Variants in HIVEP1 observed in about 807,000 individuals in gnomAD.
The protein encoded by HIVEP1 is zinc finger protein 40.
In HIVEP1, 36 loss-of-function variants were observed where a neutral mutation model predicts 180.0. The observed-to-expected ratio is 0.20, with a 90% CI of 0.15 to 0.26. The LOEUF (loss-of-function observed/expected upper bound fraction) is 0.26, where lower values mean the gene tolerates loss of function less well. HIVEP1 is among the 10% of genes least tolerant of loss of function. The pLI, the probability that HIVEP1 is intolerant of heterozygous loss-of-function variation, is 1.00. For missense variants in HIVEP1, 3,143 were observed against 3,268.7 expected (o/e 0.96, Z 0.94); for synonymous variants, 1,239 against 1,239.0 (o/e 1.00, Z 0.00).
intron 7 of HIVEP1, among the ~76,000 whole-genome samples, chr6:12,140,893 T>C (rs1471271417): frequency 6.6e-6 from 1 of 152,190 alleles, no homozygotes; most frequent in African/African-American, 2.4e-5. Flanking sequence ...CTACATTTGA[T>C]TGGTGTACCT....
intron 7 of HIVEP1, among the ~76,000 whole-genome samples, chr6:12,146,800 G>A (rs907449836): frequency 9.2e-5 from 14 of 151,650 alleles, no homozygotes; most frequent in Non-Finnish European, 2.1e-4. Context: ...TATCACTTCG[G>A]CACCTATTCA....
chr6:12,128,238 G>T (rs1259029064), intron 4 of HIVEP1, among the ~76,000 whole-genome samples: 2 of 152,202 alleles, frequency 1.3e-5, no homozygotes, highest in African/African-American at 4.8e-5. Context: ...TTATGCGGAA[G>T]CCAATCTGTT....
intron 2 of HIVEP1, among the ~76,000 whole-genome samples, chr6:12,067,563 A>AG (rs1771682544): frequency 6.6e-6 from 1 of 152,110 alleles, no homozygotes; most frequent in Non-Finnish European, 1.5e-5. Flanking sequence ...GCTTTTGAGT[A>AG]GGCGCCAATG....
chr6:12,056,322 GT>G (rs1770868413), intron 2 of HIVEP1, among the ~76,000 whole-genome samples: 1 of 152,104 alleles, frequency 6.6e-6, no homozygotes, highest in Non-Finnish European at 1.5e-5. Flanking sequence ...GTAGTATGAT[GT>G]TCTTAAGGAA....
In HIVEP1 at chr6:12,124,728, C is replaced by T. The variant is rs749799096; in HGVS notation, c.4933C>T (p.Pro1645Ser). Residue 1645 changes from proline to serine, a missense_variant, in exon 4 of 9, where the codon CCT becomes TCT. Coordinates refer to ENST00000379388, the MANE Select transcript of HIVEP1 (RefSeq NM_002114.4). ...MLPIRLQSSV[P>S]AYCFATLTSL... ...GCCCATACGCCTGCAGAGTAGTGTTCCTGCTTACTGTTTTGCTACACTCAC... is the reference window on the plus strand; with the variant it reads ...GCCCATACGCCTGCAGAGTAGTGTTTCTGCTTACTGTTTTGCTACACTCAC... The T allele has an allele frequency of 1.2e-6, 2 of 1,614,060 alleles. No individual in the cohort carries two copies. Among genetic ancestry groups the T allele is most frequent in the African/African-American group, 2.7e-5 (2 of 74,914 alleles).
chr6:12,015,969 A>G (rs962873043), intron 2 of HIVEP1, among the ~76,000 whole-genome samples: 3 of 152,232 alleles, frequency 2.0e-5, no homozygotes, highest in Non-Finnish European at 4.4e-5. Flanking sequence ...GGGTCAAGGA[A>G]TCTGAAAGTA....
intron 7 of HIVEP1, among the ~76,000 whole-genome samples, chr6:12,156,655 G>T (rs924211497): frequency 6.6e-6 from 1 of 152,062 alleles, no homozygotes; most frequent in African/African-American, 2.4e-5. Flanking sequence ...TGGTTTTTCA[G>T]ATATCCTCCA....
At chr6:12,041,802 G>A (rs1005243537) in intron 2 of HIVEP1, among the ~76,000 whole-genome samples, 35 of 151,826 alleles carry the variant, frequency 2.3e-4, no homozygotes, top group Non-Finnish European at 4.9e-4. Flanking sequence ...TGGAATTAAA[G>A]TTCCATGCCA....
At chr6:12,160,664 T>C (rs1760340118) in intron 7 of HIVEP1, among the ~76,000 whole-genome samples, 1 of 152,120 alleles carries the variant, frequency 6.6e-6, no homozygotes, top group South Asian at 2.1e-4. Context: ...TGTTACCGAG[T>C]AGACTGTTAG....
intron 3 of HIVEP1, among the ~76,000 whole-genome samples, chr6:12,093,675 G>A (rs116607448): frequency 0.011 from 1,593 of 151,386 alleles, 11 homozygotes; most frequent in Non-Finnish European, 0.018. Context: ...TTACTGTTTC[G>A]TATTAATTTT....
At chr6:12,189,440 A>G in the HIVEP1 span, among the ~76,000 whole-genome samples, 2,947 of 152,226 alleles carry the variant, frequency 0.019, 97 homozygotes, top group African/African-American at 0.067. Flanking sequence ...AAATATTAGA[A>G]AAGGCCAATA....
Position 12,082,657 on chromosome 6 carries a change from A to G in HIVEP1, c.41-6527A>G, listed in dbSNP as rs1204587857. On this transcript the variant is annotated intron_variant, in intron 2 of 8. Transcript: ENST00000379388. ...GTATCCAAACTGCTTTGAGTTCTCA[A>G]TGAACTTGCCTCTTTGCCTTTCCAA... Among the ~76,000 whole-genome samples, 6 of 152,250 alleles carry G rather than the reference A, an allele frequency of 3.9e-5. No homozygotes were observed. The East Asian group carries it at 9.7e-4, about 25-fold the overall frequency.
chr6:12,209,835 G>C, the HIVEP1 span, among the ~76,000 whole-genome samples: 2 of 152,140 alleles, frequency 1.3e-5, no homozygotes, highest in African/African-American at 2.4e-5. Flanking sequence ...AAAAATGTTT[G>C]ATTTCTTTCC....
intron 2 of HIVEP1, among the ~76,000 whole-genome samples, chr6:12,087,810 G>A (rs532484720): frequency 6.6e-6 from 1 of 152,072 alleles, no homozygotes; most frequent in Non-Finnish European, 1.5e-5. Flanking sequence ...TTATAAATAA[G>A]AAAAATTGTC....
the HIVEP1 span, among the ~76,000 whole-genome samples, chr6:12,171,492 G>T: frequency 3.3e-5 from 5 of 152,166 alleles, no homozygotes; most frequent in Admixed American, 6.5e-5. Context: ...AGGCCATCAG[G>T]CTCTGAGGCC....
At position 12,123,682 on chromosome 6, in the gene HIVEP1, C is replaced by T. The variant is rs748063550; in HGVS notation, c.3887C>T (p.Ser1296Leu). 9 of 1,613,806 alleles carry T rather than the reference C, an allele frequency of 5.6e-6. No individual in the cohort carries two copies. The East Asian group carries it at 8.9e-5, about 16-fold the overall frequency. Reference protein sequence around the residue: ...LAEIEHSSTESSFDSTLSRSL... With the variant: ...LAEIEHSSTELSFDSTLSRSL... ...GAGATAGAACATTCCTCAACAGAAT[C>T]GAGCTTTGATTCCACTCTCTCCAGG... Residue 1296 changes from serine to leucine, a missense_variant, in exon 4 of 9, where the codon TCG becomes TTG. Physicochemically the swap from Ser to Leu is moderately radical, Grantham distance 145. Around this residue, in one of 12 missense-constraint regions of HIVEP1, gnomAD observed 1,357 missense variants for 1,260.5 expected, o/e 1.08. Transcript: ENST00000379388.
chr6:12,091,643 A>G (rs1006440604), intron 3 of HIVEP1, among the ~76,000 whole-genome samples: 13 of 152,288 alleles, frequency 8.5e-5, no homozygotes, highest in Admixed American at 3.3e-4. Flanking sequence ...TCATACACCA[A>G]TAGAATAAAG....
intron 2 of HIVEP1, chr6:12,039,173 A>T (rs1769500927): frequency 6.6e-6 from 1 of 152,164 alleles, no homozygotes; most frequent in Non-Finnish European, 1.5e-5. Context: ...AAAAACCAGG[A>T]TTACCTTTTT....
At chr6:12,152,704 C>A (rs1404935159) in intron 7 of HIVEP1, among the ~76,000 whole-genome samples, 1 of 152,172 alleles carries the variant, frequency 6.6e-6, no homozygotes, top group Non-Finnish European at 1.5e-5. Flanking sequence ...ACAGAAACAT[C>A]ATTCTGTGCT....
Sources: allele counts gnomAD v4.1 joint callset (sites outside exome capture counted in the v4.1 genomes callset), GRCh38; gene constraint gnomAD v4.1.1; regional missense constraint gnomAD v4.1.1; transcripts MANE v1.5; gene names NCBI Gene and HGNC (gene_info 2026-07-23, HGNC 2026-07-21).